The following PRPSAP1 variants were observed in gnomAD, a reference collection of about 807,000 sequenced individuals.
PRPSAP1 encodes the protein phosphoribosyl pyrophosphate synthetase associated protein 1, also known as phosphoribosyl pyrophosphate synthase-associated protein 1.
PRPSAP1 carries 31 observed loss-of-function variants against 39.4 expected under a neutral mutation model. The ratio of observed to expected loss-of-function variants is 0.79; its 90% CI spans 0.59 to 1.06. The LOEUF (loss-of-function observed/expected upper bound fraction) is 1.06. PRPSAP1 is among the 50% of genes least tolerant of loss of function. The pLI, the probability that PRPSAP1 is intolerant of heterozygous loss-of-function variation, is 0.00. For synonymous variants in PRPSAP1, 212 were observed against 192.6 expected (o/e 1.10, Z -0.83); for missense variants, 430 against 511.6 (o/e 0.84, Z 1.54).
intron 7 of PRPSAP1, among the ~76,000 whole-genome samples, chr17:76,321,323 G>A (rs1048432630): frequency 8.5e-5 from 13 of 152,162 alleles, no homozygotes; most frequent in South Asian, 6.2e-4. Flanking sequence ...TTGGGAGGCC[G>A]AGGCAGGTGG....
intron 7 of PRPSAP1, among the ~76,000 whole-genome samples, chr17:76,315,363 G>C (rs1160346334): frequency 1.3e-5 from 2 of 152,100 alleles, no homozygotes; most frequent in Non-Finnish European, 2.9e-5. Context: ...TAAAATTCAG[G>C]GTAACAAGAG....
At chr17:76,339,224 G>A (rs549597991) in intron 3 of PRPSAP1, among the ~76,000 whole-genome samples, 1 of 151,460 alleles carries the variant, frequency 6.6e-6, no homozygotes, top group South Asian at 2.1e-4. Context: ...GGTCAACACT[G>A]TGAAACCCCG....
chr17:76,352,444 A>T (rs1199694072), intron 1 of PRPSAP1, among the ~76,000 whole-genome samples: 1 of 151,922 alleles, frequency 6.6e-6, no homozygotes, highest in Non-Finnish European at 1.5e-5. Context: ...AGAAGATCGA[A>T]ACCATCCTGG....
chr17:76,342,979 C>A (rs1320221152), intron 3 of PRPSAP1, among the ~76,000 whole-genome samples: 1 of 152,006 alleles, frequency 6.6e-6, no homozygotes, highest in Non-Finnish European at 1.5e-5. Context: ...ACTCGGGAGG[C>A]TGAGGTAGAA....
At chr17:76,312,445 A>C (rs953863415) in intron 9 of PRPSAP1, among the ~76,000 whole-genome samples, 6 of 152,174 alleles carry the variant, frequency 3.9e-5, no homozygotes, top group African/African-American at 1.4e-4. Context: ...CTCAAAAAAA[A>C]AAAAAAGCAT....
chr17:76,349,606 C>A (rs2143553797), intron 1 of PRPSAP1, among the ~76,000 whole-genome samples: 1 of 151,494 alleles, frequency 6.6e-6, no homozygotes, highest in African/African-American at 2.4e-5. Flanking sequence ...ACTAAAAATA[C>A]AAAAATTAGC....
intron 3 of PRPSAP1, among the ~76,000 whole-genome samples, chr17:76,341,899 A>G (rs1351017876): frequency 6.6e-6 from 1 of 152,186 alleles, no homozygotes; most frequent in Non-Finnish European, 1.5e-5. Context: ...AGATTGCGCC[A>G]CTGCACCCCA....
At chr17:76,351,357 T>C (rs549908716) in intron 1 of PRPSAP1, among the ~76,000 whole-genome samples, 1 of 151,956 alleles carries the variant, frequency 6.6e-6, no homozygotes, top group Admixed American at 6.6e-5. Flanking sequence ...CTACTAAAAA[T>C]ACAAAAAATT....
At chr17:76,312,694 TG>T in intron 9 of PRPSAP1, 175 bp downstream of exon 9, 1 of 674,880 alleles carries the variant, frequency 1.5e-6, no homozygotes, top group Non-Finnish European at 2.3e-6. Flanking sequence ...AGTTGAACCA[TG>T]GTAAGTCGTG....
intron 1 of PRPSAP1, among the ~76,000 whole-genome samples, chr17:76,352,644 CAAAAAAAAAAAAAAAA>C (rs55986677): frequency 1.9e-5 from 1 of 53,588 alleles, no homozygotes; most frequent in African/African-American, 5.8e-5. Context: ...GACTCCGTCT[CAAAAAAAAAAAAAAAA>C]AAAAAAAGAA....
intron 3 of PRPSAP1, among the ~76,000 whole-genome samples, chr17:76,338,439 A>G (rs938052472): frequency 6.6e-6 from 1 of 152,332 alleles, no homozygotes; most frequent in Admixed American, 6.5e-5. Context: ...ACAGTGGCTC[A>G]TGCCTGTAAT....
At chr17:76,328,635 A>AAAACC (rs2071279534) in intron 7 of PRPSAP1, 82 bp downstream of exon 7, 2 of 1,492,340 alleles carry the variant, frequency 1.3e-6, no homozygotes, top group African/African-American at 1.4e-5. Flanking sequence ...AAAACAAAAC[A>AAAACC]ACAACAACAA....
intron 2 of PRPSAP1, among the ~76,000 whole-genome samples, chr17:76,346,307 T>C (rs1017480909): frequency 2.0e-5 from 3 of 152,180 alleles, no homozygotes; most frequent in Admixed American, 6.6e-5. Context: ...GAAAGCACCT[T>C]TCCCTTCTAG....
At chr17:76,332,491 AG>A (rs1395690390) in intron 3 of PRPSAP1, 56 bp from the exon 4 acceptor site, 2 of 1,591,610 alleles carry the variant, frequency 1.3e-6, no homozygotes, top group African/African-American at 2.7e-5. Flanking sequence ...ACCCTAGAAA[AG>A]ATCTTGACTT....
Position 76,311,440 on chromosome 17 carries a change from G to C in PRPSAP1, c.*102C>G. On this transcript the variant is annotated 3_prime_UTR_variant, in exon 10 of 10. Transcript: ENST00000446526. ...GGGCAAAAGAAGATATCTAACTCCA[G>C]GCTGTTTCGAGTCCTCCCTTGCAAG... 1 of 1,309,336 alleles carries C rather than the reference G, an allele frequency of 7.6e-7. No homozygotes were observed. The highest frequency in any genetic ancestry group is 1.5e-5 in the South Asian group (1 of 66,086). 81.1% of individuals were successfully genotyped at this position (1,309,336 alleles called of 1,614,324 possible).
At chr17:76,346,050 G>A (rs1015544320) in intron 2 of PRPSAP1, 1 of 410,336 alleles carries the variant, frequency 2.4e-6, no homozygotes, top group African/African-American at 2.1e-5. Context: ...ATGACTCTAT[G>A]GGAAGTGGAG....
intron 7 of PRPSAP1, among the ~76,000 whole-genome samples, chr17:76,322,366 A>G (rs2071207079): frequency 6.6e-6 from 1 of 152,208 alleles, no homozygotes; most frequent in Admixed American, 6.5e-5. Flanking sequence ...ATTGCACTCC[A>G]GCCTGGGCGA....
intron 4 of PRPSAP1, among the ~76,000 whole-genome samples, chr17:76,331,798 C>T (rs1228054036): frequency 2.0e-5 from 3 of 152,018 alleles, no homozygotes; most frequent in African/African-American, 4.8e-5. Flanking sequence ...GGCCAGAAAG[C>T]GTGCCCCCGC....
chr17:76,351,494 G>C (rs568653776), intron 1 of PRPSAP1, among the ~76,000 whole-genome samples: 6 of 151,884 alleles, frequency 4.0e-5, no homozygotes, highest in Admixed American at 3.3e-4. Flanking sequence ...CAGCCTGGGC[G>C]ACAGCGAGAC....
Sources: allele counts gnomAD v4.1 joint callset (sites outside exome capture counted in the v4.1 genomes callset), GRCh38; gene constraint gnomAD v4.1.1; transcripts MANE v1.5; gene names NCBI Gene and HGNC (gene_info 2026-07-23, HGNC 2026-07-21).